KMT2A: variants seen among roughly 807,000 people sequenced by gnomAD.
KMT2A encodes the protein histone-lysine N-methyltransferase 2A.
KMT2A carries 16 observed loss-of-function variants against 345.3 expected under a neutral mutation model. That is an observed-to-expected ratio of 0.05 (90% CI 0.03 to 0.07). The LOEUF is 0.07. Among genes scored for constraint, KMT2A ranks in the 10% least tolerant of loss-of-function variants. The pLI, the probability that KMT2A is intolerant of heterozygous loss-of-function variation, is 1.00. For synonymous variants in KMT2A, 1,599 were observed against 1,778.6 expected, an observed-to-expected ratio of 0.90 and a Z score of 2.54; for missense variants, 3,272 against 4,841.6, an observed-to-expected ratio of 0.68 and a Z score of 9.62.
intron 5 of KMT2A, among the ~76,000 whole-genome samples, chr11:118,479,078 T>C (rs1450016069): frequency 4.6e-5 from 7 of 152,240 alleles, no homozygotes; most frequent in Non-Finnish European, 1.0e-4. Context: ...CTTAAGCATT[T>C]ATCCTTTGTA....
In KMT2A at chr11:118,504,875, G is replaced by A. The variant is rs2134402162; in HGVS notation, c.8983G>A (p.Asp2995Asn). Residue 2995 changes from aspartate to asparagine, a missense_variant, in exon 27 of 36, where the codon GAT becomes AAT. Asp to Asn is a conservative substitution (Grantham distance 23). Transcript: ENST00000534358. The surrounding 1 kb of genome is among the most constrained non-coding windows in gnomAD (Gnocchi z 6.4). ...AACTCCTGAAGGCCACATGACTCCT[G>A]ATCATTTTATCCAAGGACACATGGA... is the stretch of plus-strand genomic sequence containing the variant. ...DPTPEGHMTPDHFIQGHMDAD... is the reference protein window; with the variant it reads ...DPTPEGHMTPNHFIQGHMDAD... 6.2e-7 allele frequency: 1 copy of A among 1,614,102 alleles called. No individual in the cohort carries two copies. Among genetic ancestry groups the A allele is most frequent in the Non-Finnish European group, 8.5e-7 (1 of 1,180,010 alleles).
In KMT2A at chr11:118,526,163, G is replaced by A. The variant is rs191872671; in HGVS notation, c.*3991G>A. ...AATGGGGGGAACCTCTAACCATAAA[G>A]GAATGGTAGAACAGTCCATTCCTCG... On this transcript the variant is annotated 3_prime_UTR_variant, in exon 36 of 36. Transcript: ENST00000534358. 2.6e-3 allele frequency: 571 copies of A among 216,372 alleles called. 4 individuals are homozygous for A. Among genetic ancestry groups the A allele is most frequent in the African/African-American group, 0.012 (549 of 44,558 alleles). The allele number at this position is 216,372 out of a possible 1,614,324, so 13.4% of individuals were successfully genotyped here. A position where few individuals can be genotyped will look rare whatever the true frequency, so the allele number is the denominator to read the frequency against.
Position 118,484,055 on chromosome 11 carries a change from ATTTG to A in KMT2A, c.4087-124_4087-121del, listed in dbSNP as rs1950188642. On this transcript the variant is annotated intron_variant, in intron 8 of 35. Transcript: ENST00000534358. This position sits in a 1 kb window ranked among gnomAD's most constrained non-coding sequence, Gnocchi z 4.1. ...TCTTTTAAAAAAAAATTCAAAGATT[ATTTG>A]TTTATGTTGGAAACATGTTTTTTAG... 3.1e-6 allele frequency: 3 copies of A among 965,938 alleles called. No homozygotes were observed. Among genetic ancestry groups the A allele is most frequent in the Non-Finnish European group, 3.0e-6 (2 of 659,486 alleles). The allele number at this position is 965,938 out of a possible 1,614,324, so 59.8% of individuals were successfully genotyped here.
intron 1 of KMT2A, among the ~76,000 whole-genome samples, chr11:118,457,478 G>T (rs1422643408): frequency 6.6e-6 from 1 of 150,880 alleles, no homozygotes; most frequent in Admixed American, 6.6e-5. Flanking sequence ...TCACCATGTT[G>T]GCCAAGCTGG....
In KMT2A at chr11:118,471,776, C is replaced by G; in HGVS notation, c.617C>G (p.Ser206Cys). Residue 206 changes from serine (S) to cysteine (C), a missense_variant, in exon 3 of 36, where the codon TCT becomes TGT. By Grantham distance (112) the Ser-to-Cys change is moderately radical. This residue lies in a region of KMT2A where 412 missense variants were observed against 511.0 expected (regional missense o/e 0.81). Transcript: ENST00000534358. ...CCTCTAAATAAATCAGAGACCAAAT[C>G]TGGAGATAAGATCAAGAAGAAAGAT... is the stretch of plus-strand genomic sequence containing the variant. ...FSPLNKSETK[S>C]GDKIKKKDSK... 15 of 1,613,504 alleles carry G rather than the reference C, an allele frequency of 9.3e-6. No homozygotes were observed. The highest frequency in any genetic ancestry group is 1.3e-5 in the Non-Finnish European group (15 of 1,179,654).
At position 118,436,979 on chromosome 11, in the gene KMT2A, C is replaced by T. The variant is rs1163445544; in HGVS notation, c.432+35C>T. 4 of 1,395,834 alleles carry T rather than the reference C, an allele frequency of 2.9e-6. No homozygotes were observed. Among genetic ancestry groups the T allele is most frequent in the African/African-American group, 1.5e-5 (1 of 67,158 alleles). 86.5% of individuals were successfully genotyped at this position (1,395,834 alleles called of 1,614,324 possible). A position where few individuals can be genotyped will look rare whatever the true frequency, so the allele number is the denominator to read the frequency against. Reference sequence around the variant, plus strand: ...CGAGGAACCCCCAGGTCCGGGGTCTCGACCCTCTGCGGAGCCCCCTCCCCT... The same window carrying T: ...CGAGGAACCCCCAGGTCCGGGGTCTTGACCCTCTGCGGAGCCCCCTCCCCT... On this transcript the variant is annotated intron_variant, in intron 1 of 35. Transcript: ENST00000534358. The surrounding 1 kb of genome is among the most constrained non-coding windows in gnomAD (Gnocchi z 6.9).
Position 118,515,853 on chromosome 11 carries a change from TA to T in KMT2A, c.11147-3763del, listed in dbSNP as rs1368807005. Among the ~76,000 whole-genome samples, 19 of 152,126 alleles carry T rather than the reference TA, an allele frequency of 1.2e-4. No homozygotes were observed. In the South Asian group the frequency reaches 1.5e-3, roughly 12 times the overall value. On this transcript the variant is annotated intron_variant, in intron 31 of 35. Transcript: ENST00000534358. ...ACAGGTACACGCCACCACACCCAGC[TA>T]ATTTTTGTATTTTAGTAGAGACGGG...
intron 1 of KMT2A, among the ~76,000 whole-genome samples, chr11:118,459,421 T>A (rs1359486723): frequency 1.3e-5 from 2 of 152,146 alleles, no homozygotes; most frequent in South Asian, 2.1e-4. Flanking sequence ...AAGATATAGC[T>A]GCTAAAGGGC....
At chr11:118,508,479 G>A (rs1175856505) in intron 28 of KMT2A, among the ~76,000 whole-genome samples, 1 of 152,180 alleles carries the variant, frequency 6.6e-6, no homozygotes, top group Non-Finnish European at 1.5e-5. Flanking sequence ...GCTCATGCCT[G>A]TAATCCCAAC....
chr11:118,452,162 C>G (rs1555029170), intron 1 of KMT2A, among the ~76,000 whole-genome samples: 1 of 152,120 alleles, frequency 6.6e-6, no homozygotes, highest in Non-Finnish European at 1.5e-5. Flanking sequence ...CTCCCTCAGC[C>G]TCCAAAATAG....
In KMT2A at chr11:118,471,885, A is replaced by G; in HGVS notation, c.726A>G (p.Ser242=). 4 of 1,613,520 alleles carry G rather than the reference A, an allele frequency of 2.5e-6. No homozygotes were observed. The highest frequency in any genetic ancestry group is 3.4e-6 in the Non-Finnish European group (4 of 1,179,826). The change falls in exon 3 of 36, where the codon TCA becomes TCG. Residue 242 remains serine, a synonymous_variant. Coordinates refer to ENST00000534358, the MANE Select transcript of KMT2A (RefSeq NM_001197104.2). ...AAATAACACATGGAAAGGACATTTC[A>G]GAGTTACCAAAGGGAAACAAAGAAG... The part of the protein sequence containing the change: ...KIKITHGKDI[S]ELPKGNKEDS...
intron 1 of KMT2A, among the ~76,000 whole-genome samples, chr11:118,464,077 C>A (rs1359358005): frequency 6.6e-6 from 1 of 152,076 alleles, no homozygotes; most frequent in Non-Finnish European, 1.5e-5. Flanking sequence ...TAAGAAGGGA[C>A]AAGATGATGT....
At chr11:118,464,557 A>C (rs1381783127) in intron 1 of KMT2A, among the ~76,000 whole-genome samples, 5 of 151,768 alleles carry the variant, frequency 3.3e-5, no homozygotes, top group African/African-American at 1.2e-4. Context: ...AAAAAAAAAA[A>C]CCTAAAGTTG....
chr11:118,515,062 C>T (rs987646316), intron 31 of KMT2A, among the ~76,000 whole-genome samples: 4 of 152,334 alleles, frequency 2.6e-5, no homozygotes, highest in Middle Eastern at 3.4e-3. Flanking sequence ...CCACTGTGCC[C>T]GGCCCATCCA....
intron 1 of KMT2A, among the ~76,000 whole-genome samples, chr11:118,461,006 T>TA (rs1344375590): frequency 2.6e-5 from 4 of 152,264 alleles, no homozygotes; most frequent in African/African-American, 9.6e-5. Flanking sequence ...ACAAATGAAT[T>TA]AAATATTGCT....
chr11:118,455,211 T>A (rs541643752), intron 1 of KMT2A, among the ~76,000 whole-genome samples: 2 of 152,284 alleles, frequency 1.3e-5, no homozygotes, highest in Admixed American at 6.5e-5. Flanking sequence ...TTTATTTATT[T>A]GTTATATGTT....
rs1555048493 is a variant in KMT2A at position 118,506,489 on chromosome 11, G to A, written c.10597G>A (p.Val3533Met). 3 of 1,614,110 alleles carry A rather than the reference G, an allele frequency of 1.9e-6. No individual in the cohort carries two copies. The Admixed American group carries it at 5.0e-5, about 27-fold the overall frequency. ...TGGACAGCGGTCAGCAAGCCCTTCA[G>A]TGCCGGGTCCCACTAAACCCAAACC... ...SSGQRSASPSVPGPTKPKPKT... is the reference protein window; with the variant it reads ...SSGQRSASPSMPGPTKPKPKT... The change falls in exon 27 of 36, where the codon GTG becomes ATG. Residue 3533 changes from valine to methionine, a missense_variant. Physicochemically the swap from Val to Met is conservative, Grantham distance 21. Around this residue, in one of 27 missense-constraint regions of KMT2A, gnomAD observed 748 missense variants for 922.2 expected, o/e 0.81. Transcript: ENST00000534358.
rs568736836 is a variant in KMT2A at position 118,522,410 on chromosome 11, A to G, written c.*238A>G. 1.2e-4 allele frequency: 61 copies of G among 494,728 alleles called. No individual in the cohort carries two copies. The highest frequency in any genetic ancestry group is 2.1e-4 in the Non-Finnish European group (57 of 273,992). 30.6% of individuals were successfully genotyped at this position (494,728 alleles called of 1,614,324 possible). A position where few individuals can be genotyped will look rare whatever the true frequency, so the allele number is the denominator to read the frequency against. On this transcript the variant is annotated 3_prime_UTR_variant, in exon 36 of 36. Coordinates refer to ENST00000534358, the MANE Select transcript of KMT2A (RefSeq NM_001197104.2). This position sits in a 1 kb window ranked among gnomAD's most constrained non-coding sequence, Gnocchi z 5.4. ...TCGGCTTTCTCCTGGGGCCCCTCCA[A>G]TTGTTTACTGTTAGAAAGTGGGAAT...
At chr11:118,508,443 A>G (rs1416715906) in intron 28 of KMT2A, among the ~76,000 whole-genome samples, 1 of 152,228 alleles carries the variant, frequency 6.6e-6, no homozygotes, top group Non-Finnish European at 1.5e-5. Context: ...AGTTTAAAAA[A>G]GTGAAAACTG....
Sources: gnomAD v4.1 joint callset for allele counts (sites outside exome capture counted in the v4.1 genomes callset) on GRCh38, gnomAD v4.1.1 for gene constraint, gnomAD v4.1.1 regional missense constraint, Gnocchi (gnomAD v3.1) non-coding constraint, MANE v1.5 for transcripts, NCBI Gene and HGNC (gene_info 2026-07-23, HGNC 2026-07-21) for gene names.